Variants in DGLUCY observed in about 807,000 individuals in gnomAD.
The protein encoded by DGLUCY is D-glutamate cyclase.
Under a neutral mutation model 58.5 loss-of-function variants are expected in DGLUCY, and 58 were observed. That is an observed-to-expected ratio of 0.99 (90% CI 0.80 to 1.23). The LOEUF (loss-of-function observed/expected upper bound fraction) is 1.23, where lower values mean the gene tolerates loss of function less well. Ranked by LOEUF, DGLUCY falls within the 50% of genes most tolerant of loss-of-function variation. DGLUCY has a pLI of 0.00. For synonymous variants in DGLUCY, 325 were observed against 314.1 expected, an observed-to-expected ratio of 1.03 and a Z score of -0.37; for missense variants, 779 against 784.7, an observed-to-expected ratio of 0.99 and a Z score of 0.09.
chr14:91,103,117 C>A (rs1936326675), upstream of DGLUCY, among the ~76,000 whole-genome samples: 1 of 151,942 alleles, frequency 6.6e-6, no homozygotes, highest in African/African-American at 2.4e-5. Context: ...TCTCTCAGGC[C>A]CAAGGGAGAG....
Position 91,189,110 on chromosome 14 carries a change from A to G in DGLUCY, c.1135A>G (p.Ile379Val), listed in dbSNP as rs750955613. The change falls in exon 9 of 14, where the codon ATC (isoleucine) becomes GTC (valine). Residue 379 changes from isoleucine to valine, a missense_variant. Transcript: ENST00000256324. ...GGCCTTGGAGAAGGAGGTCGCCATA[A>G]TCGTTGACCAGAGAGCCTGGAACTT... ...LQALEKEVAI[I>V]VDQRAWNLHQ... 44 of 1,614,084 alleles carry G rather than the reference A, an allele frequency of 2.7e-5. No homozygotes were observed. In the Admixed American group the frequency reaches 5.3e-4, roughly 20 times the overall value.
chr14:91,101,408 T>A (rs1595643487), intron 1 of DGLUCY, among the ~76,000 whole-genome samples: 1 of 152,326 alleles, frequency 6.6e-6, no homozygotes, highest in South Asian at 2.1e-4. Flanking sequence ...CTTTTTCACT[T>A]CATTTGAGAG....
At chr14:91,170,290 A>G in intron 5 of DGLUCY, 89 bp downstream of exon 5, 1 of 1,396,426 alleles carries the variant, frequency 7.2e-7, no homozygotes, top group African/African-American at 1.4e-5. Context: ...GAACATGGGC[A>G]CGGGAGGTGG....
intron 1 of DGLUCY, among the ~76,000 whole-genome samples, chr14:91,156,775 C>G (rs758428428): frequency 3.9e-5 from 6 of 152,296 alleles, no homozygotes; most frequent in Non-Finnish European, 7.3e-5. Context: ...CTCATCTCAC[C>G]TCACTTCTAG....
chr14:91,111,870 A>C (rs1037156865), upstream of DGLUCY, among the ~76,000 whole-genome samples: 6 of 152,212 alleles, frequency 3.9e-5, no homozygotes, highest in African/African-American at 1.4e-4. Context: ...TACTGTGTGT[A>C]TGTATCACAT....
intron 1 of DGLUCY, among the ~76,000 whole-genome samples, chr14:91,068,106 CA>C (rs1566928249): frequency 0.018 from 2,704 of 152,158 alleles, 68 homozygotes; most frequent in African/African-American, 0.063. Context: ...CACACACACA[CA>C]CACACACACC....
intron 1 of DGLUCY, among the ~76,000 whole-genome samples, chr14:91,118,513 T>A (rs1012223889): frequency 6.6e-6 from 1 of 152,192 alleles, no homozygotes; most frequent in Admixed American, 6.5e-5. Flanking sequence ...AAGAAACATA[T>A]TTGGGGGTAA....
chr14:91,085,553 TTTTTTTTTTG>T (rs985977142), intron 1 of DGLUCY, among the ~76,000 whole-genome samples: 4 of 132,488 alleles, frequency 3.0e-5, no homozygotes, highest in African/African-American at 1.5e-4. Flanking sequence ...AGTTCCTTTG[TTTTTTTTTTG>T]TTTTTTTTTT....
chr14:91,213,611 T>C (rs8018001), intron 12 of DGLUCY, among the ~76,000 whole-genome samples: 46,093 of 152,080 alleles, frequency 0.3, 8,612 homozygotes, highest in African/African-American at 0.51. Context: ...ACAGTATTAT[T>C]TTTATCGTAT....
chr14:91,178,860 G>A lies in DGLUCY; in HGVS notation c.731-2326G>A, dbSNP rs1379329460. On this transcript the variant is annotated intron_variant, in intron 7 of 13. Transcript: ENST00000256324. ...ATCTTGGCCAACATGGTAAAACCCTGTCTCTACTAAAAATACAAAAATTAG... is the reference window on the plus strand; with the variant it reads ...ATCTTGGCCAACATGGTAAAACCCTATCTCTACTAAAAATACAAAAATTAG... Among the ~76,000 whole-genome samples the A allele has an allele frequency of 2.0e-5, 3 of 152,022 alleles. No individual in the cohort carries two copies. The East Asian group carries it at 5.8e-4, about 30-fold the overall frequency.
Position 91,077,750 on chromosome 14 carries a change from C to CA in DGLUCY, c.-82+17059dup, listed in dbSNP as rs1269460176. 0.014 allele frequency among the ~76,000 whole-genome samples: 920 copies of CA among 68,096 alleles called. 22 individuals carry two copies. The South Asian group carries it at 0.16, about 12-fold the overall frequency. 44.7% of individuals were successfully genotyped at this position (68,096 alleles called of 152,430 possible). ...CTGGTGACAGAGCGAGACTCTGTCT[C>CA]AAAAAAAAAAAAAGAGAGAGAGAAA... On this transcript the variant is annotated intron_variant, in intron 1 of 4. Transcript: ENST00000521334.
intron 1 of DGLUCY, among the ~76,000 whole-genome samples, chr14:91,136,705 G>A (rs543298311): frequency 7.5e-5 from 11 of 147,158 alleles, no homozygotes; most frequent in South Asian, 2.2e-4. Flanking sequence ...ACGGTGGCTC[G>A]CGCCTGTAAT....
At chr14:91,130,269 A>G (rs900944988) in intron 1 of DGLUCY, among the ~76,000 whole-genome samples, 1 of 148,768 alleles carries the variant, frequency 6.7e-6, no homozygotes, top group African/African-American at 2.5e-5. Context: ...ATTTGCATGT[A>G]TTTAATTACT....
At chr14:91,081,961 C>T (rs1327542485) in intron 1 of DGLUCY, among the ~76,000 whole-genome samples, 1 of 152,066 alleles carries the variant, frequency 6.6e-6, no homozygotes, top group Non-Finnish European at 1.5e-5. Context: ...ACCCTCCTGT[C>T]GTCCCACTCA....
chr14:91,167,905 G>A (rs1189217662), intron 4 of DGLUCY, among the ~76,000 whole-genome samples: 5 of 152,028 alleles, frequency 3.3e-5, no homozygotes, highest in Non-Finnish European at 7.4e-5. Context: ...CCCCAACCCT[G>A]TCATCATCTG....
At chr14:91,195,922 G>A (rs1443527910) in intron 9 of DGLUCY, among the ~76,000 whole-genome samples, 1 of 151,988 alleles carries the variant, frequency 6.6e-6, no homozygotes, top group East Asian at 1.9e-4. Context: ...CGCCCACCTT[G>A]GCCTCCCAAA....
At chr14:91,076,328 A>G (rs536183312) in intron 1 of DGLUCY, among the ~76,000 whole-genome samples, 18 of 152,242 alleles carry the variant, frequency 1.2e-4, no homozygotes, top group African/African-American at 3.9e-4. Flanking sequence ...TTTGCATGTA[A>G]CCTGTGCACA....
intron 1 of DGLUCY, among the ~76,000 whole-genome samples, chr14:91,077,555 C>T (rs1017827843): frequency 1.1e-4 from 17 of 151,778 alleles, no homozygotes; most frequent in Admixed American, 1.1e-3. Context: ...AGATCGAGAC[C>T]ATCCTGGCCA....
intron 1 of DGLUCY, among the ~76,000 whole-genome samples, chr14:91,143,532 A>G (rs924089868): frequency 1.3e-5 from 2 of 152,212 alleles, no homozygotes; most frequent in African/African-American, 2.4e-5. Flanking sequence ...CTGGTCTCCA[A>G]CCGTTTCTCC....
Sources: gnomAD v4.1 joint callset for allele counts (sites outside exome capture counted in the v4.1 genomes callset) on GRCh38, gnomAD v4.1.1 for gene constraint, MANE v1.5 for transcripts, NCBI Gene and HGNC (gene_info 2026-07-23, HGNC 2026-07-21) for gene names.